The following CBLB variants were observed in gnomAD, a reference collection of about 807,000 sequenced individuals.
CBLB encodes the protein E3 ubiquitin-protein ligase CBL-B.
CBLB carries 31 observed loss-of-function variants against 104.9 expected under a neutral mutation model. The observed-to-expected ratio is 0.30, with a 90% CI of 0.22 to 0.40. The LOEUF is 0.40. CBLB is among the 10% of genes least tolerant of loss of function. The probability of loss-of-function intolerance (pLI) is 1.00; values close to 1 mark genes in which losing one functional copy is unlikely to be tolerated. For missense variants in CBLB, 1,062 were observed against 1,214.6 expected, an observed-to-expected ratio of 0.87 and a Z score of 1.87; for synonymous variants, 440 against 422.6, an observed-to-expected ratio of 1.04 and a Z score of -0.51.
chr3:105,682,625 G>A (rs902707022), intron 14 of CBLB, among the ~76,000 whole-genome samples: 5 of 152,078 alleles, frequency 3.3e-5, no homozygotes, highest in Admixed American at 6.5e-5. Flanking sequence ...CCATGCCTTA[G>A]CCTCCCAAGT....
intron 3 of CBLB, among the ~76,000 whole-genome samples, chr3:105,809,172 A>G (rs1352128144): frequency 6.6e-6 from 1 of 152,246 alleles, no homozygotes; most frequent in African/African-American, 2.4e-5. Context: ...ATCTTAAAAC[A>G]TAACTTTGGT....
intron 3 of CBLB, among the ~76,000 whole-genome samples, chr3:105,792,391 T>C (rs1338612649): frequency 1.3e-5 from 2 of 152,176 alleles, no homozygotes; most frequent in Non-Finnish European, 2.9e-5. Context: ...TGGAGCATCA[T>C]TGTTTTAGAG....
intron 3 of CBLB, among the ~76,000 whole-genome samples, chr3:105,831,050 A>G (rs1387427563): frequency 6.6e-6 from 1 of 152,162 alleles, no homozygotes; most frequent in Non-Finnish European, 1.5e-5. Context: ...AACCAGAGTA[A>G]CTTCCTTTCT....
At chr3:105,686,435 C>T (rs1282519475) in intron 13 of CBLB, among the ~76,000 whole-genome samples, 1 of 145,820 alleles carries the variant, frequency 6.9e-6, no homozygotes, top group African/African-American at 2.5e-5. Context: ...GAAATCTGTT[C>T]AATTTAAAAA....
At chr3:105,813,843 T>C (rs1007771367) in intron 3 of CBLB, among the ~76,000 whole-genome samples, 1 of 152,158 alleles carries the variant, frequency 6.6e-6, no homozygotes, top group African/African-American at 2.4e-5. Flanking sequence ...AAATTGTGAC[T>C]GTTTCCTTGT....
At chr3:105,753,380 A>ATTT (rs1283891905) in intron 4 of CBLB, among the ~76,000 whole-genome samples, 49 of 147,864 alleles carry the variant, frequency 3.3e-4, no homozygotes, top group Non-Finnish European at 5.1e-4. Context: ...TTTTTTTAAA[A>ATTT]AAAAAAGGAA....
chr3:105,826,614 T>C (rs559564200), intron 3 of CBLB, among the ~76,000 whole-genome samples: 1 of 152,286 alleles, frequency 6.6e-6, no homozygotes, highest in Non-Finnish European at 1.5e-5. Context: ...TCTTGTACCA[T>C]TCTCTCAAAT....
rs141616911 is a variant in CBLB, at chr3:105,675,152, T to C, written c.2569+3279A>G. On this transcript the variant is annotated intron_variant, in intron 17 of 18. Transcript: ENST00000394030. ...AAGACACCTATCATTTGTCTTTAAT[T>C]AGAAATAATTATTTCCTCAGGAAAC... Among the ~76,000 whole-genome samples, 56 of 152,318 alleles carry C rather than the reference T, an allele frequency of 3.7e-4. No individual in the cohort carries two copies. In the East Asian group the frequency reaches 0.01, roughly 28 times the overall value.
intron 3 of CBLB, among the ~76,000 whole-genome samples, chr3:105,789,981 A>T (rs933492292): frequency 6.6e-6 from 1 of 152,202 alleles, no homozygotes; most frequent in Non-Finnish European, 1.5e-5. Context: ...TGCTTAACAG[A>T]TCACTGTACC....
intron 2 of CBLB, among the ~76,000 whole-genome samples, chr3:105,861,710 C>CACAG (rs1422727541): frequency 6.7e-6 from 1 of 149,202 alleles, no homozygotes; most frequent in East Asian, 2.0e-4. Flanking sequence ...CACACACATA[C>CACAG]ATACACACAC....
chr3:105,756,212 T>C (rs1200506296), intron 4 of CBLB, among the ~76,000 whole-genome samples: 1 of 152,160 alleles, frequency 6.6e-6, no homozygotes, highest in Non-Finnish European at 1.5e-5. Context: ...GCTTATGACA[T>C]AGCTTTATAT....
chr3:105,828,962 C>T (rs978627428), intron 3 of CBLB, among the ~76,000 whole-genome samples: 1 of 152,100 alleles, frequency 6.6e-6, no homozygotes, highest in East Asian at 1.9e-4. Flanking sequence ...TTCTAGGGAA[C>T]CTCTATACCA....
Position 105,681,518 on chromosome 3 carries a change from T to C in CBLB, c.2389A>G (p.Arg797Gly), listed in dbSNP as rs775518027. 5.3e-5 allele frequency: 86 copies of C among 1,614,014 alleles called. No individual in the cohort carries two copies. The highest frequency in any genetic ancestry group is 7.2e-5 in the Non-Finnish European group (85 of 1,179,986). ...AGAAGATCATAATCAGAGGGCGTCC[T>C]GTTGAGTGAAGAACCATGCTTTGGA... ...DNPKHGSSLN[R>G]TPSDYDLLIP... Residue 797 changes from arginine (R) to glycine (G), a missense_variant, in exon 16 of 19, where the codon AGG becomes GGG. Arg to Gly is a moderately radical substitution (Grantham distance 125). Around this residue, in one of 2 missense-constraint regions of CBLB, gnomAD observed 605 missense variants for 582.6 expected, o/e 1.04. Transcript: ENST00000394030.
chr3:105,767,562 CT>C (rs34794014), intron 4 of CBLB, among the ~76,000 whole-genome samples: 35 of 141,070 alleles, frequency 2.5e-4, no homozygotes, highest in Middle Eastern at 6.6e-3. Flanking sequence ...CTTTTTCTTT[CT>C]TTTTTTTTTT....
chr3:105,704,205 T>G lies in CBLB; in HGVS notation c.1408-32A>C, dbSNP rs752975351. 4 of 1,592,992 alleles carry G rather than the reference T, an allele frequency of 2.5e-6. No individual in the cohort carries two copies. In the South Asian group the frequency reaches 3.3e-5, roughly 13 times the overall value. ...CAGAAAAAGAGAAAGATGCCGCTGTTTATTAGCTGTGCAGAGTGTTCTCTG... is the reference window on the plus strand; with the variant it reads ...CAGAAAAAGAGAAAGATGCCGCTGTGTATTAGCTGTGCAGAGTGTTCTCTG... On this transcript the variant is annotated intron_variant, in intron 10 of 18. Transcript: ENST00000394030.
chr3:105,803,002 C>T lies in CBLB; in HGVS notation c.420-26460G>A, dbSNP rs544154342. The stretch of plus-strand genomic sequence containing the variant: ...TACTGAAGCAGGTACTATTTAAACC[C>T]GTAGTGTTGATGAAAATTAAATTAG... On this transcript the variant is annotated intron_variant, in intron 3 of 18. Coordinates refer to ENST00000394030, the MANE Select transcript of CBLB (RefSeq NM_170662.5). Among the ~76,000 whole-genome samples the T allele has an allele frequency of 1.1e-3, 170 of 152,162 alleles. 1 individual carries two copies. The highest frequency in any genetic ancestry group is 3.4e-3 in the African/African-American group (143 of 41,504).
chr3:105,680,431 A>C (rs1576289212), intron 16 of CBLB, among the ~76,000 whole-genome samples: 1 of 152,216 alleles, frequency 6.6e-6, no homozygotes, highest in East Asian at 1.9e-4. Context: ...AAATATACAG[A>C]TCCTTTACAT....
intron 10 of CBLB, among the ~76,000 whole-genome samples, chr3:105,714,029 C>T (rs959797616): frequency 1.3e-5 from 2 of 152,118 alleles, no homozygotes; most frequent in African/African-American, 4.8e-5. Flanking sequence ...TTCTGCATTT[C>T]GAATGTCTAT....
At chr3:105,699,102 T>A (rs2068761128) in intron 12 of CBLB, among the ~76,000 whole-genome samples, 1 of 152,160 alleles carries the variant, frequency 6.6e-6, no homozygotes, top group Non-Finnish European at 1.5e-5. Context: ...GTAAGTATTA[T>A]ATTATAAGCA....
Sources: allele counts gnomAD v4.1 joint callset (sites outside exome capture counted in the v4.1 genomes callset), GRCh38; gene constraint gnomAD v4.1.1; regional missense constraint gnomAD v4.1.1; transcripts MANE v1.5; gene names NCBI Gene and HGNC (gene_info 2026-07-23, HGNC 2026-07-21).